Variants in RASAL1 observed in about 807,000 individuals in gnomAD.
RASAL1 encodes RAS protein activator like 1, also known as rasGAP-activating-like protein 1.
A neutral mutation model predicts 96.6 loss-of-function variants in RASAL1; 72 were observed. The ratio of observed to expected loss-of-function variants is 0.75; its 90% CI spans 0.62 to 0.91. RASAL1 has a LOEUF of 0.91. Among genes scored for constraint, RASAL1 ranks in the 40% least tolerant of loss-of-function variants. The pLI is 0.00. For missense variants in RASAL1, 1,016 were observed against 1,072.5 expected (o/e 0.95, Z 0.74); for synonymous variants, 405 against 430.4 (o/e 0.94, Z 0.73).
intron 19 of RASAL1, among the ~76,000 whole-genome samples, chr12:113,100,998 T>A (rs143194167): frequency 6.6e-6 from 1 of 152,218 alleles, no homozygotes; most frequent in Non-Finnish European, 1.5e-5. Context: ...AGCAGCAGCA[T>A]CATTATCACT....
Position 113,112,093 on chromosome 12 carries a change from T to G in RASAL1, c.1367A>C (p.Glu456Ala), listed in dbSNP as rs368672089. ...RRVEERFPQA[E>A]HQDVKYLAIS... ...CCTCCCATCCTGGCGCACCTGGTGCTCGGCCTGGGGGAAGCGCTCCTCCAC... is the reference window on the plus strand; with the variant it reads ...CCTCCCATCCTGGCGCACCTGGTGCGCGGCCTGGGGGAAGCGCTCCTCCAC... Residue 456 changes from glutamate to alanine, a missense_variant, in exon 13 of 21, where the codon GAG becomes GCG. Transcript: ENST00000548055. The G allele has an allele frequency of 9.9e-5, 123 of 1,241,276 alleles. No individual in the cohort carries two copies. The East Asian group carries it at 2.9e-3, about 29-fold the overall frequency. The allele number at this position is 1,241,276 out of a possible 1,614,324, so 76.9% of individuals were successfully genotyped here.
intron 19 of RASAL1, 55 bp downstream of exon 19, chr12:113,101,834 G>T (rs888689300): frequency 4.0e-5 from 63 of 1,582,410 alleles, no homozygotes; most frequent in Non-Finnish European, 5.0e-5. Context: ...GGCCACGGTG[G>T]GGGGCTGGCC....
At chr12:113,103,247 A>T (rs1566033962) in intron 18 of RASAL1, 3 of 150,788 alleles carry the variant, frequency 2.0e-5, no homozygotes, top group South Asian at 2.1e-4. Context: ...ATTATTTACA[A>T]TGTTATACAT....
At position 113,112,212 on chromosome 12, in the gene RASAL1, C is replaced by T. The variant is rs1391121400; in HGVS notation, c.1248G>A (p.Thr416=). 1 of 1,264,666 alleles carries T rather than the reference C, an allele frequency of 7.9e-7. No homozygotes were observed. The highest frequency in any genetic ancestry group is 1.0e-6 in the Non-Finnish European group (1 of 996,636). 78.3% of individuals were successfully genotyped at this position (1,264,666 alleles called of 1,614,324 possible). The part of the protein sequence containing the change: ...QMRETSLGLL[T]GYLGPIVDAI... ...CGTCCACGATGGGCCCCAGGTAGCCCGTCAGCAGCCCCAGGCTGGTCTCCC... is the reference window on the plus strand; with the variant it reads ...CGTCCACGATGGGCCCCAGGTAGCCTGTCAGCAGCCCCAGGCTGGTCTCCC... Residue 416 remains threonine (T), a synonymous_variant, in exon 13 of 21, where the codon ACG becomes ACA. Transcript: ENST00000548055.
In RASAL1 at chr12:113,104,216, T is replaced by TG. The variant is rs774352133; in HGVS notation, c.1912dup (p.Gln638ProfsTer23). The TG allele has an allele frequency of 9.3e-6, 15 of 1,610,128 alleles. No individual in the cohort carries two copies. Among genetic ancestry groups the TG allele is most frequent in the Non-Finnish European group, 1.2e-5 (14 of 1,178,630 alleles). On this transcript the variant is annotated frameshift_variant, in exon 17 of 21. Coordinates refer to ENST00000548055, the MANE Select transcript of RASAL1 (RefSeq NM_001301202.2). LOFTEE classifies it high-confidence loss of function. ...CCCCGTGCCGTCCTGCGTCACCACC[T>TG]GCATCACGTGGGGCAGTTGGAAGGC...
intron 4 of RASAL1, among the ~76,000 whole-genome samples, chr12:113,123,251 T>C (rs982299105): frequency 1.3e-5 from 2 of 152,234 alleles, no homozygotes; most frequent in African/African-American, 4.8e-5. Flanking sequence ...CTAAATCAGA[T>C]GATTATTGTT....
intron 1 of RASAL1, 89 bp from the exon 2 acceptor site, chr12:113,131,030 G>C: frequency 1.0e-6 from 1 of 989,044 alleles, no homozygotes; most frequent in Non-Finnish European, 1.6e-6. Context: ...AGGGGAGTCG[G>C]AGGCACAGAC....
intron 4 of RASAL1, among the ~76,000 whole-genome samples, chr12:113,126,727 C>A (rs975445210): frequency 5.2e-4 from 77 of 149,424 alleles, no homozygotes; most frequent in Non-Finnish European, 9.5e-4. Flanking sequence ...CACACACACA[C>A]AAAAGGCATA....
chr12:113,118,963 A>G (rs996172219), intron 7 of RASAL1, among the ~76,000 whole-genome samples, 165 bp downstream of exon 7: 1 of 152,176 alleles, frequency 6.6e-6, no homozygotes, highest in Admixed American at 6.5e-5. Context: ...CCTCACCTGT[A>G]CAACAGAGCA....
chr12:113,104,618 C>T (rs1191998003), intron 16 of RASAL1, among the ~76,000 whole-genome samples: 1 of 152,244 alleles, frequency 6.6e-6, no homozygotes, highest in African/African-American at 2.4e-5. Flanking sequence ...TCTCCTGCCT[C>T]AGCCTCCCAA....
intron 7 of RASAL1, 135 bp from the exon 8 acceptor site, chr12:113,117,296 C>T: frequency 1.8e-6 from 1 of 564,250 alleles, no homozygotes; most frequent in Non-Finnish European, 3.0e-6. Flanking sequence ...GGGACCCCTC[C>T]TTCTCTCCTA....
rs1950567344 is a variant in RASAL1, at chr12:113,104,253, C to T, written c.1876G>A (p.Val626Ile). 3.8e-6 allele frequency: 6 copies of T among 1,595,556 alleles called. No individual in the cohort carries two copies. The highest frequency in any genetic ancestry group is 1.3e-5 in the African/African-American group (1 of 74,708). Residue 626 changes from valine to isoleucine, a missense_variant, in exon 17 of 21, where the codon GTA (valine) becomes ATA (isoleucine). Physicochemically the swap from Val to Ile is conservative, Grantham distance 29 (BLOSUM62 3). Transcript: ENST00000548055. ...GGCAGTTGGAAGGCGCCCTCGTCTA[C>T]GCGCTCCACGGCGCGGATGTGAGAC... is the stretch of plus-strand genomic sequence containing the variant. Reference protein sequence around the residue: ...PVSHIRAVERVDEGAFQLPHV... With the variant: ...PVSHIRAVERIDEGAFQLPHV...
chr12:113,134,359 G>T (rs938205745), intron 1 of RASAL1, among the ~76,000 whole-genome samples: 4 of 152,150 alleles, frequency 2.6e-5, no homozygotes, highest in African/African-American at 9.7e-5. Context: ...TGGGGAATCA[G>T]CACAGAGCTA....
rs1406484752 is a variant in RASAL1 at position 113,127,920 on chromosome 12, C to T, written c.237-47G>A. 4.4e-6 allele frequency: 7 copies of T among 1,601,174 alleles called. No individual in the cohort carries two copies. The Admixed American group carries it at 6.7e-5, about 15-fold the overall frequency. On this transcript the variant is annotated intron_variant, in intron 3 of 20. Transcript: ENST00000548055. The stretch of plus-strand genomic sequence containing the variant: ...AAGGTCTGAGTCAGGGGCCCCTTTG[C>T]CCCGCCCCAAGAGAAGTGGGGGCAG...
At chr12:113,105,381 A>G (rs1294444706) in intron 16 of RASAL1, among the ~76,000 whole-genome samples, 1 of 152,252 alleles carries the variant, frequency 6.6e-6, no homozygotes, top group Admixed American at 6.5e-5. Flanking sequence ...CAATTTTATG[A>G]GTCTGTCTAG....
rs1253443276 is a variant in RASAL1 at position 113,099,379 on chromosome 12, C to T, written c.*550G>A. 6.6e-6 allele frequency: 1 copy of T among 152,330 alleles called. No individual in the cohort carries two copies. The highest frequency in any genetic ancestry group is 1.5e-5 in the Non-Finnish European group (1 of 68,130). The allele number at this position is 152,330 out of a possible 1,614,324, so 9.4% of individuals were successfully genotyped here. On this transcript the variant is annotated 3_prime_UTR_variant, in exon 21 of 21. Transcript: ENST00000548055. ...AGGCTCCAAGGGTCTGAGTTTGGCA[C>T]ACTGGACCCCCACCCAGCCTTGGTT...
At chr12:113,121,725 CA>C in intron 4 of RASAL1, 87 bp from the exon 5 acceptor site, 7 of 1,422,312 alleles carry the variant, frequency 4.9e-6, no homozygotes, top group South Asian at 2.6e-5. Context: ...ACATTATTTT[CA>C]TTTTTTTTTT....
chr12:113,101,567 C>G (rs1950443361), intron 19 of RASAL1, among the ~76,000 whole-genome samples: 1 of 152,200 alleles, frequency 6.6e-6, no homozygotes, highest in African/African-American at 2.4e-5. Flanking sequence ...TAGTGATCCT[C>G]ATGCCAGGAA....
chr12:113,108,182 C>T lies in RASAL1; in HGVS notation c.1415G>A (p.Arg472Gln), dbSNP rs1297527185. The T allele has an allele frequency of 2.5e-6, 4 of 1,613,178 alleles. No homozygotes were observed. Among genetic ancestry groups the T allele is most frequent in the Non-Finnish European group, 1.7e-6 (2 of 1,179,712 alleles). Residue 472 changes from arginine (R) to glutamine (Q), a missense_variant, in exon 14 of 21, where the codon CGA becomes CAA. Physicochemically the swap from Arg to Gln is conservative, Grantham distance 43 (BLOSUM62 1). Coordinates refer to ENST00000548055, the MANE Select transcript of RASAL1 (RefSeq NM_001301202.2). ...YLAISGFLFL[R>Q]FFAPAILTPK... ...GGTAAGGATGGCAGGTGCGAAGAAT[C>T]GCAAGAAGAGAAATCCACTGATGGC...
Sources: gnomAD v4.1 joint callset for allele counts (sites outside exome capture counted in the v4.1 genomes callset) on GRCh38, gnomAD v4.1.1 for gene constraint, MANE v1.5 for transcripts, NCBI Gene and HGNC (gene_info 2026-07-23, HGNC 2026-07-21) for gene names.